Variants in TGM3 observed in about 807,000 individuals in gnomAD.
TGM3 encodes the protein protein-glutamine gamma-glutamyltransferase E.
In TGM3, 52 loss-of-function variants were observed where a neutral mutation model predicts 73.8. The observed-to-expected ratio is 0.70, with a 90% CI of 0.56 to 0.89. The LOEUF is 0.89. Among genes scored for constraint, TGM3 ranks in the 40% least tolerant of loss-of-function variants. TGM3 has a pLI of 0.00. For missense variants in TGM3, 928 were observed against 909.9 expected, an observed-to-expected ratio of 1.02 and a Z score of -0.26; for synonymous variants, 372 against 354.9, an observed-to-expected ratio of 1.05 and a Z score of -0.54.
At chr20:2,309,874 A>T in intron 2 of TGM3, 44 bp downstream of exon 2, 1 of 1,611,260 alleles carries the variant, frequency 6.2e-7, no homozygotes, top group Non-Finnish European at 8.5e-7. Context: ...CACATACTTG[A>T]GTAGCCCTTG....
intron 1 of TGM3, among the ~76,000 whole-genome samples, chr20:2,297,218 C>G (rs2084113976): frequency 1.3e-5 from 2 of 152,230 alleles, no homozygotes; most frequent in South Asian, 4.1e-4. Context: ...GCAGAGCCAG[C>G]TAGGTCTCAG....
intron 12 of TGM3, 46 bp downstream of exon 12, chr20:2,340,033 C>CGG (rs368081322): frequency 5.1e-6 from 1 of 196,582 alleles, no homozygotes; most frequent in Admixed American, 8.3e-5. Flanking sequence ...CGGGAGGGGG[C>CGG]GGGGGGGCCC....
rs376202925 is a variant in TGM3 at position 2,317,441 on chromosome 20, C to T, written c.939C>T (p.Tyr313=). 33 of 1,614,110 alleles carry T rather than the reference C, an allele frequency of 2.0e-5. No individual in the cohort carries two copies. The Middle Eastern group carries it at 4.9e-4, about 24-fold the overall frequency. ...GAAATCTCAGTGTGGATGTGTACTACGACCCCATGGGAAACCCCCTGGACA... is the reference window on the plus strand; with the variant it reads ...GAAATCTCAGTGTGGATGTGTACTATGACCCCATGGGAAACCCCCTGGACA... ...TDRNLSVDVY[Y]DPMGNPLDKG... is the part of the protein sequence containing the mutation. Residue 313 remains tyrosine (Y), a synonymous_variant, in exon 7 of 13, where the codon TAC becomes TAT. Coordinates refer to ENST00000381458, the MANE Select transcript of TGM3 (RefSeq NM_003245.4).
intron 7 of TGM3, among the ~76,000 whole-genome samples, chr20:2,319,070 T>C (rs188721190): frequency 6.6e-6 from 1 of 152,354 alleles, no homozygotes; most frequent in East Asian, 1.9e-4. Context: ...TATTGCTTAC[T>C]TGTGGCCAGA....
At chr20:2,312,371 T>C (rs1280399634) in intron 4 of TGM3, among the ~76,000 whole-genome samples, 1 of 111,740 alleles carries the variant, frequency 8.9e-6, no homozygotes, top group East Asian at 3.2e-4. Context: ...CACTCCAGCC[T>C]GGGTGACAGA....
intron 7 of TGM3, among the ~76,000 whole-genome samples, chr20:2,318,998 G>C (rs1194210250): frequency 6.6e-6 from 1 of 152,170 alleles, no homozygotes; most frequent in Non-Finnish European, 1.5e-5. Flanking sequence ...TACTAGGGGA[G>C]AGAAAGCTTA....
At chr20:2,311,764 G>A (rs1036481862) in intron 4 of TGM3, among the ~76,000 whole-genome samples, 18 of 152,098 alleles carry the variant, frequency 1.2e-4, no homozygotes, top group African/African-American at 4.3e-4. Context: ...GAGCAAGTTG[G>A]GAGGAAGAAA....
At chr20:2,325,101 C>T (rs547751538) in intron 7 of TGM3, among the ~76,000 whole-genome samples, 2 of 152,216 alleles carry the variant, frequency 1.3e-5, no homozygotes, top group South Asian at 2.1e-4. Context: ...TTTTTTTCCA[C>T]GTTGACTAGA....
intron 8 of TGM3, among the ~76,000 whole-genome samples, chr20:2,327,492 C>CA (rs1165264501): frequency 4.0e-5 from 6 of 151,874 alleles, no homozygotes; most frequent in African/African-American, 1.5e-4. Context: ...AACAAACAAA[C>CA]AAACAAAAAA....
chr20:2,303,160 G>C (rs984734014), intron 1 of TGM3, among the ~76,000 whole-genome samples: 8 of 152,126 alleles, frequency 5.3e-5, no homozygotes, highest in Non-Finnish European at 7.3e-5. Context: ...AATTAGCCGG[G>C]CGTGGTGGTG....
chr20:2,313,012 G>T lies in TGM3; in HGVS notation c.655G>T (p.Val219Leu), dbSNP rs1568625242. 2.5e-6 allele frequency: 4 copies of T among 1,614,160 alleles called. No individual in the cohort carries two copies. The highest frequency in any genetic ancestry group is 3.4e-6 in the Non-Finnish European group (4 of 1,180,018). The part of the protein sequence containing the change: ...SRNDPKYVGR[V>L]LSAMINSNDD... ...AAATGACCCCAAATACGTTGGCCGG[G>T]TGCTGAGTGCCATGGTGAGTAACAG... Residue 219 changes from valine to leucine, a missense_variant, in exon 5 of 13, where the codon GTG (valine) becomes TTG (leucine). By Grantham distance (32) the Val-to-Leu change is conservative. Coordinates refer to ENST00000381458, the MANE Select transcript of TGM3 (RefSeq NM_003245.4).
Position 2,329,908 on chromosome 20 carries a change from A to T in TGM3, c.1333+1543A>T, listed in dbSNP as rs1397789990. 3.9e-5 allele frequency among the ~76,000 whole-genome samples: 6 copies of T among 152,146 alleles called. No homozygotes were observed. The East Asian group carries it at 1.2e-3, about 29-fold the overall frequency. On this transcript the variant is annotated intron_variant, in intron 9 of 12. Transcript: ENST00000381458. ...CCTCTATAGCCTCACTGGAACAATG[A>T]CTTCCCAAGGTGACTATTTTGCAGG...
rs41279944 is a variant in TGM3 at position 2,332,316 on chromosome 20, G to C, written c.1642+6G>C. On this transcript the variant is annotated splice_donor_region_variant and intron_variant, in intron 10 of 12. Transcript: ENST00000381458. The surrounding 1 kb of genome is among the most constrained non-coding windows in gnomAD (Gnocchi z 4.4). ...GTCCCTGGACCCTGAGGAAGGTAAC[G>C]CATCCCGCAGTTGGAGGAGATCCAC... The C allele has an allele frequency of 2.5e-6, 4 of 1,572,410 alleles. No individual in the cohort carries two copies. The highest frequency in any genetic ancestry group is 3.5e-6 in the Non-Finnish European group (4 of 1,157,964).
Position 2,332,286 on chromosome 20 carries a change from A to G in TGM3, c.1618A>G (p.Thr540Ala), listed in dbSNP as rs1286621909. 6.8e-6 allele frequency: 11 copies of G among 1,608,350 alleles called. No individual in the cohort carries two copies. The highest frequency in any genetic ancestry group is 6.7e-5 in the Admixed American group (4 of 59,704). ...ACATGAAGTGTGGAAGGACTCTGCC[A>G]CAATGTCCCTGGACCCTGAGGAAGG... Reference protein sequence around the residue: ...LVHEVWKDSATMSLDPEEEAE... With the variant: ...LVHEVWKDSAAMSLDPEEEAE... Residue 540 changes from threonine (T) to alanine (A), a missense_variant, in exon 10 of 13, where the codon ACA becomes GCA. Transcript: ENST00000381458. This position sits in a 1 kb window ranked among gnomAD's most constrained non-coding sequence, Gnocchi z 4.4.
intron 1 of TGM3, among the ~76,000 whole-genome samples, chr20:2,300,112 AAAAT>A (rs1205837317): frequency 1.3e-5 from 2 of 151,772 alleles, no homozygotes; most frequent in African/African-American, 4.8e-5. Flanking sequence ...ATTTAAAAAA[AAAAT>A]AAAGAAAGAA....
chr20:2,306,379 A>G (rs1418254288), intron 1 of TGM3, among the ~76,000 whole-genome samples: 1 of 151,982 alleles, frequency 6.6e-6, no homozygotes, highest in African/African-American at 2.4e-5. Flanking sequence ...GTGCTCTGAA[A>G]CCACATGTTC....
chr20:2,303,171 C>G (rs1015721283), intron 1 of TGM3, among the ~76,000 whole-genome samples: 1 of 152,126 alleles, frequency 6.6e-6, no homozygotes, highest in Non-Finnish European at 1.5e-5. Flanking sequence ...CGTGGTGGTG[C>G]ATGCCTGTAA....
intron 7 of TGM3, among the ~76,000 whole-genome samples, chr20:2,325,169 C>T (rs1283467756): frequency 6.6e-6 from 1 of 152,058 alleles, no homozygotes; most frequent in Non-Finnish European, 1.5e-5. Context: ...GTGCCAAGAC[C>T]AGTGTGACTG....
chr20:2,331,689 A>T (rs1040739458), intron 9 of TGM3, among the ~76,000 whole-genome samples: 1 of 152,234 alleles, frequency 6.6e-6, no homozygotes, highest in Non-Finnish European at 1.5e-5. Context: ...AAGACATTTT[A>T]TCAGAAAAAA....
Sources: allele counts gnomAD v4.1 joint callset (sites outside exome capture counted in the v4.1 genomes callset), GRCh38; gene constraint gnomAD v4.1.1; non-coding constraint Gnocchi (gnomAD v3.1); transcripts MANE v1.5; gene names NCBI Gene and HGNC (gene_info 2026-07-23, HGNC 2026-07-21).